The following MYPN variants were observed in gnomAD, a reference collection of about 807,000 sequenced individuals.
MYPN encodes the protein sarcomeric protein myopalladin, 145 kDa (MYOP).
Under a neutral mutation model 129.4 loss-of-function variants are expected in MYPN, and 63 were observed. The ratio of observed to expected loss-of-function variants is 0.49; its 90% CI spans 0.40 to 0.60. MYPN has a LOEUF of 0.60. Ranked by LOEUF, MYPN falls within the 20% of genes least tolerant of loss-of-function variation. The pLI is 0.00. For synonymous variants in MYPN, 629 were observed against 600.9 expected (o/e 1.05, Z -0.68); for missense variants, 1,596 against 1,635.4 (o/e 0.98, Z 0.42).
chr10:68,130,876 T>C (rs1006099429), intron 2 of MYPN, among the ~76,000 whole-genome samples: 3 of 152,232 alleles, frequency 2.0e-5, no homozygotes, highest in Admixed American at 6.5e-5. Flanking sequence ...CACCAGTTGA[T>C]GGAAAAGTAT....
At chr10:68,089,578 C>T (rs1389371113) in intron 1 of MYPN, among the ~76,000 whole-genome samples, 1 of 152,056 alleles carries the variant, frequency 6.6e-6, no homozygotes, top group Non-Finnish European at 1.5e-5. Context: ...ATCTCCTGAC[C>T]CCATGATTCG....
intron 18 of MYPN, among the ~76,000 whole-genome samples, chr10:68,202,675 G>T (rs72795442): frequency 1.9e-3 from 283 of 152,282 alleles, no homozygotes; most frequent in Non-Finnish European, 3.5e-3. Context: ...CCAACTTAGG[G>T]AAATGGCAAT....
chr10:68,162,526 A>C (rs2042993779), intron 8 of MYPN, among the ~76,000 whole-genome samples: 1 of 152,266 alleles, frequency 6.6e-6, no homozygotes. Flanking sequence ...AAGTGACAGT[A>C]GGCGAAGTTA....
At chr10:68,176,717 A>G (rs770445001) in intron 12 of MYPN, among the ~76,000 whole-genome samples, 2 of 152,164 alleles carry the variant, frequency 1.3e-5, no homozygotes, top group Non-Finnish European at 2.9e-5. Context: ...AATTTCATCT[A>G]TTTCTGGGAG....
intron 8 of MYPN, 131 bp from the exon 9 acceptor site, chr10:68,165,571 A>C: frequency 1.3e-6 from 1 of 761,710 alleles, no homozygotes; most frequent in South Asian, 1.4e-5. Flanking sequence ...TGTTTTGACC[A>C]ATTGTTTTCA....
intron 2 of MYPN, 134 bp from the exon 3 acceptor site, chr10:68,142,806 T>C (rs2134065611): frequency 1.2e-6 from 1 of 863,240 alleles, no homozygotes; most frequent in Non-Finnish European, 1.9e-6. Flanking sequence ...AAAAAAATAA[T>C]GTTATAATGA....
At chr10:68,161,515 CAA>C (rs35853407) in intron 7 of MYPN, among the ~76,000 whole-genome samples, 10 of 116,824 alleles carry the variant, frequency 8.6e-5, no homozygotes, top group Non-Finnish European at 1.3e-4. Flanking sequence ...AACTCAGTCT[CAA>C]AAAAAAAAAA....
At chr10:68,169,512 A>G (rs2043112770) in intron 10 of MYPN, among the ~76,000 whole-genome samples, 1 of 152,128 alleles carries the variant, frequency 6.6e-6, no homozygotes, top group African/African-American at 2.4e-5. Context: ...ACAGGGTTTA[A>G]ATACTTGAGG....
intron 19 of MYPN, among the ~76,000 whole-genome samples, chr10:68,208,587 A>C (rs1476034397): frequency 1.3e-5 from 2 of 152,120 alleles, no homozygotes; most frequent in East Asian, 3.9e-4. Context: ...ACTCCCCACC[A>C]ATAAGCCCTG....
chr10:68,112,303 G>C (rs191840751), intron 1 of MYPN, among the ~76,000 whole-genome samples: 1 of 152,094 alleles, frequency 6.6e-6, no homozygotes, highest in Non-Finnish European at 1.5e-5. Context: ...TTGAGCTCTG[G>C]CTGCAGTGTC....
chr10:68,142,894 T>C (rs759761843), intron 2 of MYPN, 46 bp from the exon 3 acceptor site: 8 of 1,564,220 alleles, frequency 5.1e-6, no homozygotes, highest in Admixed American at 1.7e-5. Flanking sequence ...TATGTTATTG[T>C]CTTGCATTTG....
intron 12 of MYPN, among the ~76,000 whole-genome samples, chr10:68,175,808 G>A (rs2043219153): frequency 6.6e-6 from 1 of 152,222 alleles, no homozygotes; most frequent in Admixed American, 6.5e-5. Context: ...AGGCTGGGGT[G>A]CAGTGGTATG....
rs187454592 is a variant in MYPN at position 68,134,588 on chromosome 10, A to G, written c.903-8352A>G. On this transcript the variant is annotated intron_variant, in intron 2 of 19. Coordinates refer to ENST00000358913, the MANE Select transcript of MYPN (RefSeq NM_032578.4). Reference sequence around the variant, plus strand: ...GAGGCGGGTGGATCACGAAGTCAAGAGATCAAGACCATCCTGGCTAACATG... The same window carrying G: ...GAGGCGGGTGGATCACGAAGTCAAGGGATCAAGACCATCCTGGCTAACATG... Among the ~76,000 whole-genome samples the G allele has an allele frequency of 3.3e-4, 50 of 152,254 alleles. No individual in the cohort carries two copies. In the East Asian group the frequency reaches 4.8e-3, roughly 15 times the overall value.
chr10:68,094,346 C>A (rs1426564465), intron 1 of MYPN, among the ~76,000 whole-genome samples: 1 of 151,758 alleles, frequency 6.6e-6, no homozygotes, highest in East Asian at 1.9e-4. Context: ...CTCACTGCAA[C>A]CTCTGCCTCC....
chr10:68,161,739 C>T lies in MYPN; in HGVS notation c.1470C>T (p.Ser490=). The T allele has an allele frequency of 1.2e-6, 2 of 1,610,924 alleles. No individual in the cohort carries two copies. The highest frequency in any genetic ancestry group is 1.7e-6 in the Non-Finnish European group (2 of 1,177,644). Residue 490 remains serine, a synonymous_variant, in exon 8 of 20, where the codon TCC becomes TCT. Coordinates refer to ENST00000358913, the MANE Select transcript of MYPN (RefSeq NM_032578.4). ...TTTCTTTTCTTTTAGAACCTCGATC[C>T]ATGGCAGAGCCAGGTAAAGATGATT... is the stretch of plus-strand genomic sequence containing the variant. ...DFRILQKKPR[S]MAEPEEICTL... is the part of the protein sequence containing the mutation.
upstream of MYPN, chr10:68,106,725 AT>A: frequency 2.8e-6 from 2 of 717,218 alleles, no homozygotes; most frequent in Non-Finnish European, 5.2e-6. Flanking sequence ...AAATTCTCCC[AT>A]GCTTACCGTC....
At chr10:68,101,758 T>A (rs1390887527), upstream of MYPN, among the ~76,000 whole-genome samples, 1 of 152,192 alleles carries the variant, frequency 6.6e-6, no homozygotes, top group Non-Finnish European at 1.5e-5. Context: ...TAGCTTATTA[T>A]ATTTTTAATT....
chr10:68,169,816 T>A (rs2043117935), intron 10 of MYPN, among the ~76,000 whole-genome samples: 1 of 151,986 alleles, frequency 6.6e-6, no homozygotes, highest in Admixed American at 6.6e-5. Context: ...CTCAGCTCAC[T>A]GCAACTTCTG....
rs749716693 is a variant in MYPN, at chr10:68,158,620, A to C, written c.1452A>C (p.Leu484Phe). Residue 484 changes from leucine to phenylalanine, a missense_variant, in exon 7 of 20, where the codon TTA becomes TTC. By Grantham distance (22) the Leu-to-Phe change is conservative. Coordinates refer to ENST00000358913, the MANE Select transcript of MYPN (RefSeq NM_032578.4). ...AAGATTCTCCAGATTTTAGGATTTT[A>C]CAGAAAAGTAAGTTAATACTTTAAA... ...LIEDSPDFRI[L>F]QKKPRSMAEP... 7.6e-6 allele frequency: 12 copies of C among 1,583,894 alleles called. No individual in the cohort carries two copies. The highest frequency in any genetic ancestry group is 1.0e-5 in the Non-Finnish European group (12 of 1,153,466).
Sources: gnomAD v4.1 joint callset for allele counts (sites outside exome capture counted in the v4.1 genomes callset) on GRCh38, gnomAD v4.1.1 for gene constraint, MANE v1.5 for transcripts, NCBI Gene and HGNC (gene_info 2026-07-23, HGNC 2026-07-21) for gene names.